IKBIP: variants seen among roughly 807,000 people sequenced by gnomAD.
IKBIP encodes inhibitor of nuclear factor kappa-B kinase-interacting protein.
Under a neutral mutation model 31.0 loss-of-function variants are expected in IKBIP, and 28 were observed. That is an observed-to-expected ratio of 0.90 (90% CI 0.67 to 1.24). The LOEUF is 1.24. IKBIP is among the 50% of genes most tolerant of loss of function. The pLI is 0.00. For missense variants in IKBIP, 453 were observed against 441.9 expected (o/e 1.03, Z -0.23); for synonymous variants, 164 against 160.3 (o/e 1.02, Z -0.17).
Position 98,634,355 on chromosome 12 carries a change from T to C in IKBIP, c.238A>G (p.Lys80Glu), listed in dbSNP as rs745749790. The C allele has an allele frequency of 6.8e-6, 11 of 1,607,816 alleles. No individual in the cohort carries two copies. Among genetic ancestry groups the C allele is most frequent in the Non-Finnish European group, 9.4e-6 (11 of 1,174,958 alleles). Residue 80 changes from lysine (K) to glutamate (E), a missense_variant, in exon 2 of 3, where the codon AAA becomes GAA. By Grantham distance (56) the Lys-to-Glu change is moderately conservative. Transcript: ENST00000299157. ...AKVENQYQLL[K>E]LETNEFQQLQ... ...TGTTGGAATTCATTGGTTTCTAGTT[T>C]CAGTAACTGGTATTGGTTTTCCACC...
In IKBIP at chr12:98,625,157, A is replaced by C; in HGVS notation, c.*773T>G. 1 of 985,278 alleles carries C rather than the reference A, an allele frequency of 1.0e-6. No individual in the cohort carries two copies. The highest frequency in any genetic ancestry group is 1.2e-6 in the Non-Finnish European group (1 of 829,778). The allele number at this position is 985,278 out of a possible 1,614,324, so 61.0% of individuals were successfully genotyped here. A position where few individuals can be genotyped will look rare whatever the true frequency, so the allele number is the denominator to read the frequency against. On this transcript the variant is annotated 3_prime_UTR_variant, in exon 3 of 3. Coordinates refer to ENST00000299157, the MANE Select transcript of IKBIP (RefSeq NM_153687.4). ...GATCTAGCAAACTCATGTCTAACACAGTTGGAACCTAAAACTCAGGTATAT... is the reference window on the plus strand; with the variant it reads ...GATCTAGCAAACTCATGTCTAACACCGTTGGAACCTAAAACTCAGGTATAT...
chr12:98,614,008 T>C lies in IKBIP; in HGVS notation c.630A>G (p.Thr210=), dbSNP rs751950781. The change falls in exon 3 of 3, where the codon ACA becomes ACG. Residue 210 remains threonine, a synonymous_variant. Coordinates refer to the IKBIP transcript ENST00000342502. Reference sequence around the variant, plus strand: ...AAAGAAGATCACCTATATTTTTTACTGTATTTTTTTCTACTTTCTCTATTT... The same window carrying C: ...AAAGAAGATCACCTATATTTTTTACCGTATTTTTTTCTACTTTCTCTATTT... 5 of 1,609,946 alleles carry C rather than the reference T, an allele frequency of 3.1e-6. No individual in the cohort carries two copies. In the Admixed American group the frequency reaches 6.7e-5, roughly 22 times the overall value.
chr12:98,639,509 C>A, intron 1 of IKBIP, among the ~76,000 whole-genome samples: 1 of 152,304 alleles, frequency 6.6e-6, no homozygotes, highest in East Asian at 1.9e-4. Context: ...CTACTTTTAG[C>A]GTAGGCCTTA....
chr12:98,644,562 A>T lies in IKBIP; in HGVS notation c.140T>A (p.Leu47Gln). ...GCACGTCCCCAGCGACAGCAGGCTC[A>T]GGCACGTTCGGGGGTCTGCCCAGCC... ...GGGWADPRTC[L>Q]SLLSLGTCLG... Residue 47 changes from leucine (L) to glutamine (Q), a missense_variant, in exon 1 of 3, where the codon CTG becomes CAG. By Grantham distance (113) the Leu-to-Gln change is moderately radical (BLOSUM62 -2). Transcript: ENST00000299157. 2 of 1,608,164 alleles carry T rather than the reference A, an allele frequency of 1.2e-6. No individual in the cohort carries two copies. The highest frequency in any genetic ancestry group is 1.7e-6 in the Non-Finnish European group (2 of 1,177,904).
At chr12:98,621,852 C>T (rs147529834), downstream of IKBIP, among the ~76,000 whole-genome samples, 2,986 of 151,840 alleles carry the variant, frequency 0.02, 42 homozygotes, top group South Asian at 0.04. Context: ...CTGAGGTAGA[C>T]GGATCACGAG....
At chr12:98,640,854 G>A (rs143586174) in intron 1 of IKBIP, among the ~76,000 whole-genome samples, 263 of 151,654 alleles carry the variant, frequency 1.7e-3, no homozygotes, top group African/African-American at 6.1e-3. Flanking sequence ...CTCAAATTCC[G>A]GGGCTCAAGC....
At position 98,626,074 on chromosome 12, in the gene IKBIP, A is replaced by C; in HGVS notation, c.990T>G (p.Tyr330Ter). ...TTTGCATCTTTAATATGCTATTATC[A>C]TACTGAATTCCTTCAAGGGTTTTCT... Reference protein sequence around the residue: ...EMQKTLEGIQYDNSILKMQNE... With the variant: ...EMQKTLEGIQ Residue 330 changes from tyrosine (Y) to a stop codon, truncating the protein, a stop_gained, in exon 3 of 3, where the codon TAT becomes TAG. Coordinates refer to ENST00000299157, the MANE Select transcript of IKBIP (RefSeq NM_153687.4). LOFTEE classifies it high-confidence loss of function. The C allele has an allele frequency of 4.4e-6, 7 of 1,599,514 alleles. No individual in the cohort carries two copies. Among genetic ancestry groups the C allele is most frequent in the Non-Finnish European group, 5.1e-6 (6 of 1,172,558 alleles).
Position 98,624,821 on chromosome 12 carries a change from T to G in IKBIP, c.*1109A>C. 1 of 787,274 alleles carries G rather than the reference T, an allele frequency of 1.3e-6. No homozygotes were observed. The highest frequency in any genetic ancestry group is 1.5e-6 in the Non-Finnish European group (1 of 649,368). The allele number at this position is 787,274 out of a possible 1,614,324, so 48.8% of individuals were successfully genotyped here. On this transcript the variant is annotated 3_prime_UTR_variant, in exon 3 of 3. Transcript: ENST00000299157. ...TTATTTTTATTTATTTATTTATTTA[T>G]TGAGACAGAGTCTCACTTTGCCACT...
intron 2 of IKBIP, among the ~76,000 whole-genome samples, chr12:98,627,315 T>C (rs1056915653): frequency 2.6e-5 from 4 of 151,596 alleles, no homozygotes; most frequent in Admixed American, 6.6e-5. Context: ...CACACAATCC[T>C]AGATATTTCA....
chr12:98,637,741 C>T (rs115626850), intron 1 of IKBIP, among the ~76,000 whole-genome samples: 2,177 of 148,086 alleles, frequency 0.015, 45 homozygotes, highest in African/African-American at 0.052. Flanking sequence ...GACAGGGTCT[C>T]GCTCTGCTGC....
intron 1 of IKBIP, among the ~76,000 whole-genome samples, chr12:98,634,813 T>C (rs1185317733): frequency 2.0e-5 from 3 of 149,236 alleles, no homozygotes; most frequent in Non-Finnish European, 4.5e-5. Flanking sequence ...GGGTTCACGC[T>C]ATTCTCCTGC....
downstream of IKBIP, among the ~76,000 whole-genome samples, chr12:98,621,901 C>A (rs567240080): frequency 1.8e-3 from 274 of 151,898 alleles, 1 homozygote; most frequent in African/African-American, 6.3e-3. Context: ...CATGGAGAAA[C>A]CTCATCTCTA....
intron 2 of IKBIP, 132 bp downstream of exon 2, chr12:98,634,164 A>C (rs2097623593): frequency 3.5e-6 from 2 of 569,620 alleles, no homozygotes; most frequent in Non-Finnish European, 6.2e-6. Context: ...GTCAAGAGGT[A>C]GGAAGATCAG....
chr12:98,626,412 T>C lies in IKBIP; in HGVS notation c.652A>G (p.Arg218Gly), dbSNP rs772337253. ...STLRNIRTVK[R>G]QEEEDLLRVE... ...CGCAGGAGATCTTCTTCTTCTTGTC[T>C]TTTTACTGTTCTAATATTTCTTAGT... Residue 218 changes from arginine to glycine, a missense_variant, in exon 3 of 3, where the codon AGA (arginine) becomes GGA (glycine). Arg to Gly is a moderately radical substitution (Grantham distance 125). Transcript: ENST00000299157. 1 of 1,613,322 alleles carries C rather than the reference T, an allele frequency of 6.2e-7. No homozygotes were observed. The highest frequency in any genetic ancestry group is 1.3e-5 in the African/African-American group (1 of 74,940).
intron 1 of IKBIP, among the ~76,000 whole-genome samples, chr12:98,639,300 T>C (rs2097628468): frequency 6.6e-6 from 1 of 152,216 alleles, no homozygotes; most frequent in South Asian, 2.1e-4. Flanking sequence ...CCACTTGCAC[T>C]TGATAGAAGC....
At chr12:98,618,642 A>T (rs906510172) in intron 2 of IKBIP, among the ~76,000 whole-genome samples, 2 of 150,254 alleles carry the variant, frequency 1.3e-5, no homozygotes, top group African/African-American at 2.4e-5. Context: ...AAAAAAAAAA[A>T]TTTGAGATGG....
intron 2 of IKBIP, among the ~76,000 whole-genome samples, chr12:98,618,214 A>G (rs1445987176): frequency 1.3e-5 from 2 of 152,152 alleles, no homozygotes; most frequent in African/African-American, 4.8e-5. Context: ...ATTTATAAAA[A>G]CAAATAGACT....
At chr12:98,613,547 T>TA (rs1254224748) in exon 3 of IKBIP, 5 of 1,107,454 alleles carry the variant, frequency 4.5e-6, no homozygotes, top group Non-Finnish European at 6.3e-6. Flanking sequence ...GAGGTCCCAT[T>TA]AAAAAAATTA....
At chr12:98,619,213 G>A (rs2097608200) in intron 2 of IKBIP, among the ~76,000 whole-genome samples, 1 of 152,216 alleles carries the variant, frequency 6.6e-6, no homozygotes, top group African/African-American at 2.4e-5. Context: ...AGGAAGTTTT[G>A]CAACATAGTG....
Sources: gnomAD v4.1 joint callset for allele counts (sites outside exome capture counted in the v4.1 genomes callset) on GRCh38, gnomAD v4.1.1 for gene constraint, MANE v1.5 for transcripts, NCBI Gene and HGNC (gene_info 2026-07-23, HGNC 2026-07-21) for gene names.